Variants in GALNT13 observed in about 807,000 individuals in gnomAD.
GALNT13 encodes polypeptide N-acetylgalactosaminyltransferase 13.
Under a neutral mutation model 64.2 loss-of-function variants are expected in GALNT13, and 28 were observed. The observed-to-expected ratio is 0.44, with a 90% CI of 0.32 to 0.60. GALNT13 has a LOEUF of 0.60. Ranked by LOEUF, GALNT13 falls within the 20% of genes least tolerant of loss-of-function variation. The pLI, the probability that GALNT13 is intolerant of heterozygous loss-of-function variation, is 0.05. For missense variants in GALNT13, 577 were observed against 669.8 expected, an observed-to-expected ratio of 0.86 and a Z score of 1.53; for synonymous variants, 214 against 224.6, an observed-to-expected ratio of 0.95 and a Z score of 0.42.
chr2:153,925,436 T>A (rs994331908), intron 2 of GALNT13, among the ~76,000 whole-genome samples: 1 of 151,970 alleles, frequency 6.6e-6, no homozygotes, highest in East Asian at 1.9e-4. Flanking sequence ...ACCTGTACCA[T>A]GCTGTTTTGG....
intron 3 of GALNT13, among the ~76,000 whole-genome samples, chr2:153,963,125 G>A (rs983272074): frequency 2.6e-5 from 4 of 152,152 alleles, no homozygotes; most frequent in African/African-American, 9.7e-5. Flanking sequence ...TGCTTTGTTG[G>A]TTTGTTCTCC....
intron 9 of GALNT13, among the ~76,000 whole-genome samples, chr2:154,314,447 G>A (rs1008457089): frequency 1.3e-5 from 2 of 152,104 alleles, no homozygotes; most frequent in African/African-American, 4.8e-5. Flanking sequence ...CATTGTCTTA[G>A]TCTGATTGTG....
the GALNT13 span, among the ~76,000 whole-genome samples, chr2:153,266,165 G>A: frequency 6.6e-6 from 1 of 152,114 alleles, no homozygotes; most frequent in African/African-American, 2.4e-5. Flanking sequence ...ATATTTCCAA[G>A]GTATGTTTGT....
At chr2:154,388,117 G>A (rs541957047) in intron 9 of GALNT13, among the ~76,000 whole-genome samples, 1 of 152,166 alleles carries the variant, frequency 6.6e-6, no homozygotes, top group African/African-American at 2.4e-5. Context: ...ACTCTAACAG[G>A]TGCGAGACGA....
At chr2:153,947,529 G>GTT (rs147532510) in intron 3 of GALNT13, among the ~76,000 whole-genome samples, 1,525 of 149,520 alleles carry the variant, frequency 0.01, 15 homozygotes, top group Middle Eastern at 0.021. Flanking sequence ...CTTTTTGGTG[G>GTT]TTTTTTTTTC....
the GALNT13 span, among the ~76,000 whole-genome samples, chr2:153,765,427 G>A: frequency 6.6e-6 from 1 of 152,160 alleles, no homozygotes; most frequent in East Asian, 1.9e-4. Context: ...ACTTGCATGG[G>A]ACCTGTAGCC....
rs141304611 is a variant in GALNT13, at chr2:154,353,811, A to G, written c.1157-42180A>G. On this transcript the variant is annotated intron_variant, in intron 9 of 12. Transcript: ENST00000392825. Reference sequence around the variant, plus strand: ...GGTATATATATGCCACATTTCCTTTATCCAGTTGACTTTGGTCGTTTCCAT... The same window carrying G: ...GGTATATATATGCCACATTTCCTTTGTCCAGTTGACTTTGGTCGTTTCCAT... Among the ~76,000 whole-genome samples the G allele has an allele frequency of 6.6e-3, 999 of 152,170 alleles. 10 individuals are homozygous for G. Among genetic ancestry groups the G allele is most frequent in the Non-Finnish European group, 7.8e-3 (527 of 67,988 alleles).
the GALNT13 span, among the ~76,000 whole-genome samples, chr2:153,530,620 A>G: frequency 6.6e-6 from 1 of 152,180 alleles, no homozygotes; most frequent in Admixed American, 6.5e-5. Context: ...ACTTCAAATT[A>G]TACTATGGAG....
chr2:153,384,203 T>G, the GALNT13 span, among the ~76,000 whole-genome samples: 1 of 152,026 alleles, frequency 6.6e-6, no homozygotes, highest in African/African-American at 2.4e-5. Flanking sequence ...TCTTAGTTGG[T>G]TATTGTGGAA....
intron 4 of GALNT13, among the ~76,000 whole-genome samples, chr2:154,181,384 T>C (rs1053211281): frequency 2.6e-5 from 4 of 152,146 alleles, no homozygotes; most frequent in African/African-American, 9.6e-5. Flanking sequence ...GGCATTTATT[T>C]AATACTTATG....
chr2:153,120,719 A>G, the GALNT13 span, among the ~76,000 whole-genome samples: 1 of 152,202 alleles, frequency 6.6e-6, no homozygotes, highest in Non-Finnish European at 1.5e-5. Flanking sequence ...GCAATTTTGT[A>G]AGTAAACATT....
the GALNT13 span, among the ~76,000 whole-genome samples, chr2:153,822,740 C>G: frequency 6.6e-6 from 1 of 152,112 alleles, no homozygotes; most frequent in Non-Finnish European, 1.5e-5. Context: ...ACTCTCACCA[C>G]TCCTGTCCAA....
intron 1 of GALNT13, among the ~76,000 whole-genome samples, chr2:153,875,306 C>T (rs1040399603): frequency 6.6e-6 from 1 of 152,020 alleles, no homozygotes; most frequent in Non-Finnish European, 1.5e-5. Flanking sequence ...GGAGCATGTT[C>T]AAAGCAATTT....
the GALNT13 span, among the ~76,000 whole-genome samples, chr2:153,832,362 TGA>T: frequency 6.6e-6 from 1 of 152,186 alleles, no homozygotes; most frequent in Non-Finnish European, 1.5e-5. Flanking sequence ...TATTTTAGTA[TGA>T]GAGTCTCGAT....
chr2:153,680,881 G>T, the GALNT13 span, among the ~76,000 whole-genome samples: 3 of 151,858 alleles, frequency 2.0e-5, no homozygotes, highest in Admixed American at 6.6e-5. Context: ...TAAAACAAAG[G>T]TTAGAAGTAT....
the GALNT13 span, among the ~76,000 whole-genome samples, chr2:153,752,823 G>C: frequency 6.6e-6 from 1 of 151,968 alleles, no homozygotes; most frequent in Non-Finnish European, 1.5e-5. Context: ...TTATATATTG[G>C]AATAAACTTT....
the GALNT13 span, among the ~76,000 whole-genome samples, chr2:153,123,810 A>G: frequency 2.6e-5 from 4 of 152,196 alleles, no homozygotes; most frequent in African/African-American, 7.2e-5. Flanking sequence ...CCAGAAAAAG[A>G]TTGTTCAAAG....
At chr2:154,254,233 C>G (rs554700612) in intron 7 of GALNT13, among the ~76,000 whole-genome samples, 1 of 152,264 alleles carries the variant, frequency 6.6e-6, no homozygotes, top group Non-Finnish European at 1.5e-5. Flanking sequence ...AAACACTTTA[C>G]ATGCAGGGAA....
the GALNT13 span, among the ~76,000 whole-genome samples, chr2:153,401,106 A>G: frequency 6.6e-6 from 1 of 152,192 alleles, no homozygotes; most frequent in South Asian, 2.1e-4. Context: ...AATGTGTCCC[A>G]GAGATTCTGG....
Sources: gnomAD v4.1 joint callset for allele counts (sites outside exome capture counted in the v4.1 genomes callset) on GRCh38, gnomAD v4.1.1 for gene constraint, MANE v1.5 for transcripts, NCBI Gene and HGNC (gene_info 2026-07-23, HGNC 2026-07-21) for gene names.